The following GEMIN4 variants were observed in gnomAD, a reference collection of about 807,000 sequenced individuals.
The protein encoded by GEMIN4 is gem nuclear organelle associated protein 4.
A neutral mutation model predicts 76.8 loss-of-function variants in GEMIN4; 59 were observed. The ratio of observed to expected loss-of-function variants is 0.77; its 90% CI spans 0.62 to 0.95. The LOEUF is 0.95. Among genes scored for constraint, GEMIN4 ranks in the 40% least tolerant of loss-of-function variants. The pLI is 0.00. For missense variants in GEMIN4, 1,311 were observed against 1,318.9 expected, an observed-to-expected ratio of 0.99 and a Z score of 0.09; for synonymous variants, 562 against 559.7, an observed-to-expected ratio of 1.00 and a Z score of -0.06.
Position 745,340 on chromosome 17 carries a change from G to C in GEMIN4, c.2703C>G (p.Asn901Lys), listed in dbSNP as rs919462084. Residue 901 changes from asparagine (N) to lysine (K), a missense_variant, in exon 2 of 2, where the codon AAC (asparagine) becomes AAG (lysine). Asn to Lys is a moderately conservative substitution (Grantham distance 94, BLOSUM62 0). This residue lies in a region of GEMIN4 where 1,208 missense variants were observed against 1,166.9 expected (regional missense o/e 1.04). Coordinates refer to ENST00000319004, the MANE Select transcript of GEMIN4 (RefSeq NM_015721.3). This position sits in a 1 kb window ranked among gnomAD's most constrained non-coding sequence, Gnocchi z 4.6. ...GCAACTCCTGGGCAAAGGGCTTCAG[G>C]TTGAGCAGGGGAACAAACTGAATAT... ...LEYIQFVPLL[N>K]LKPFAQELQL... The C allele has an allele frequency of 6.2e-7, 1 of 1,612,836 alleles. No individual in the cohort carries two copies. The highest frequency in any genetic ancestry group is 8.5e-7 in the Non-Finnish European group (1 of 1,179,828).
Position 746,092 on chromosome 17 carries a change from C to A in GEMIN4, c.1951G>T (p.Val651Leu). 1 of 1,613,992 alleles carries A rather than the reference C, an allele frequency of 6.2e-7. No individual in the cohort carries two copies. Among genetic ancestry groups the A allele is most frequent in the Non-Finnish European group, 8.5e-7 (1 of 1,179,900 alleles). Reference protein sequence around the residue: ...PVAALLEPDEVLKEFVLPFLR... With the variant: ...PVAALLEPDELLKEFVLPFLR... ...AAAGGCAGGACAAATTCCTTCAGCA[C>A]CTCGTCTGGCTCAAGAAGAGCAGCC... Residue 651 changes from valine (V) to leucine (L), a missense_variant, in exon 2 of 2, where the codon GTG (valine) becomes TTG (leucine). This residue lies in a region of GEMIN4 where 1,208 missense variants were observed against 1,166.9 expected (regional missense o/e 1.04). Transcript: ENST00000319004. This position sits in a 1 kb window ranked among gnomAD's most constrained non-coding sequence, Gnocchi z 4.3.
chr17:749,857 G>C, intron 1 of GEMIN4: 1 of 994,142 alleles, frequency 1.0e-6, no homozygotes, highest in Non-Finnish European at 1.2e-6. Flanking sequence ...TCAGGGAAAC[G>C]GTCCACCCCA....
chr17:749,998 A>G, intron 1 of GEMIN4: 1 of 983,630 alleles, frequency 1.0e-6, no homozygotes, highest in Non-Finnish European at 1.2e-6. Flanking sequence ...CAGACTTACC[A>G]TGGAAAACAT....
At chr17:751,682 C>T (rs927906522) in intron 1 of GEMIN4, 1 of 164,134 alleles carries the variant, frequency 6.1e-6, no homozygotes, top group Admixed American at 6.4e-5. Context: ...TCGCCCAAAA[C>T]TCAGTGGGGA....
rs370625526 is a variant in GEMIN4 at position 746,096 on chromosome 17, G to A, written c.1947C>T (p.Asp649=). Residue 649 remains aspartate, a synonymous_variant, in exon 2 of 2, where the codon GAC becomes GAT. Transcript: ENST00000319004. The surrounding 1 kb of genome is among the most constrained non-coding windows in gnomAD (Gnocchi z 4.3). ...GIPVAALLEP[D]EVLKEFVLPF... ...GCAGGACAAATTCCTTCAGCACCTC[G>A]TCTGGCTCAAGAAGAGCAGCCACTG... The A allele has an allele frequency of 1.5e-4, 244 of 1,613,934 alleles. 1 individual carries two copies. Among genetic ancestry groups the A allele is most frequent in the African/African-American group, 5.6e-4 (42 of 75,036 alleles).
At chr17:748,623 T>G (rs1424354001) in intron 1 of GEMIN4, 2 of 213,612 alleles carry the variant, frequency 9.4e-6, no homozygotes, top group African/African-American at 2.4e-5. Flanking sequence ...CAGCTGAGCT[T>G]CTCATGACAG....
upstream of GEMIN4, chr17:752,384 C>T (rs1904784058): frequency 2.2e-6 from 2 of 896,970 alleles, no homozygotes; most frequent in Admixed American, 4.4e-5. Flanking sequence ...CCTCAGGTAC[C>T]CGGACGTCGC....
chr17:746,571 G>T lies in GEMIN4; in HGVS notation c.1472C>A (p.Ser491Tyr), dbSNP rs753499251. The T allele has an allele frequency of 6.2e-7, 1 of 1,613,732 alleles. No individual in the cohort carries two copies. Among genetic ancestry groups the T allele is most frequent in the African/African-American group, 1.3e-5 (1 of 75,070 alleles). ...HLILECYADL[S>Y]LPGKNKVLAG... The stretch of plus-strand genomic sequence containing the variant: ...AAGGACTTTATTTTTACCTGGCAGG[G>T]AGAGGTCTGCGTAACATTCCAGGAT... The change falls in exon 2 of 2, where the codon TCC becomes TAC. Residue 491 changes from serine to tyrosine, a missense_variant. Physicochemically the swap from Ser to Tyr is moderately radical, Grantham distance 144. Around this residue, in one of 2 missense-constraint regions of GEMIN4, gnomAD observed 1,208 missense variants for 1,166.9 expected, o/e 1.04. Coordinates refer to ENST00000319004, the MANE Select transcript of GEMIN4 (RefSeq NM_015721.3). This position sits in a 1 kb window ranked among gnomAD's most constrained non-coding sequence, Gnocchi z 4.3.
chr17:754,097 C>T (rs1157539794), upstream of GEMIN4: 1 of 152,216 alleles, frequency 6.6e-6, no homozygotes, highest in Non-Finnish European at 1.5e-5. Context: ...CACCTAAGGC[C>T]GGGCAACCAA....
rs1397832059 is a variant in GEMIN4 at position 747,233 on chromosome 17, G to A, written c.810C>T (p.Ala270=). The change falls in exon 2 of 2, where the codon GCC becomes GCT. Residue 270 remains alanine, a synonymous_variant. Transcript: ENST00000319004. ...VSATVYLDKL[A]TVISVWNSDT... is the part of the protein sequence containing the mutation. ...CCGAGTTCCACACAGAGATCACCGT[G>A]GCCAGTTTGTCCAGATACACGGTTG... The A allele has an allele frequency of 1.9e-6, 3 of 1,613,712 alleles. No homozygotes were observed. Among genetic ancestry groups the A allele is most frequent in the Non-Finnish European group, 2.5e-6 (3 of 1,179,900 alleles).
chr17:748,277 G>C, intron 1 of GEMIN4: 2 of 512,876 alleles, frequency 3.9e-6, no homozygotes, highest in Non-Finnish European at 6.9e-6. Flanking sequence ...CACATACAGG[G>C]AATGGAGGAG....
chr17:746,029 T>G lies in GEMIN4; in HGVS notation c.2014A>C (p.Arg672=), dbSNP rs1007005570. 4 of 1,613,796 alleles carry G rather than the reference T, an allele frequency of 2.5e-6. No homozygotes were observed. The highest frequency in any genetic ancestry group is 3.4e-6 in the Non-Finnish European group (4 of 1,179,846). Residue 672 remains arginine (R), a synonymous_variant, in exon 2 of 2, where the codon AGG becomes CGG. Coordinates refer to ENST00000319004, the MANE Select transcript of GEMIN4 (RefSeq NM_015721.3). This position sits in a 1 kb window ranked among gnomAD's most constrained non-coding sequence, Gnocchi z 4.3. The part of the protein sequence containing the change: ...LDVEEVDLSL[R]IFIQTLEANA... ...GCCTCTAGAGTCTGGATGAAGATCC[T>G]CAGACTGAGGTCTACCTCTTCAACA...
In GEMIN4 at chr17:747,352, G is replaced by C. The variant is rs1904311831; in HGVS notation, c.691C>G (p.Leu231Val). 6.2e-7 allele frequency: 1 copy of C among 1,613,652 alleles called. No homozygotes were observed. Among genetic ancestry groups the C allele is most frequent in the African/African-American group, 1.3e-5 (1 of 74,930 alleles). ...GCACAGCACTTCCTCCCCGGGCCCAGGATCCGACTCTGGATCTGTGTCAGC... is the reference window on the plus strand; with the variant it reads ...GCACAGCACTTCCTCCCCGGGCCCACGATCCGACTCTGGATCTGTGTCAGC... ...RGLTQIQSRI[L>V]GPGRKCCALA... Residue 231 changes from leucine (L) to valine (V), a missense_variant, in exon 2 of 2, where the codon CTG becomes GTG. By Grantham distance (32) the Leu-to-Val change is conservative. Coordinates refer to ENST00000319004, the MANE Select transcript of GEMIN4 (RefSeq NM_015721.3).
upstream of GEMIN4, chr17:752,391 T>A: frequency 1.2e-6 from 1 of 839,240 alleles, no homozygotes; most frequent in Non-Finnish European, 1.6e-6. Flanking sequence ...TACCCGGACG[T>A]CGCTCACTAG....
At position 746,458 on chromosome 17, in the gene GEMIN4, T is replaced by A. The variant is rs35172207; in HGVS notation, c.1585A>T (p.Thr529Ser). The change falls in exon 2 of 2, where the codon ACT (threonine) becomes TCT (serine). Residue 529 changes from threonine to serine, a missense_variant. Thr to Ser is a moderately conservative substitution (Grantham distance 58, BLOSUM62 1). Coordinates refer to ENST00000319004, the MANE Select transcript of GEMIN4 (RefSeq NM_015721.3). This position sits in a 1 kb window ranked among gnomAD's most constrained non-coding sequence, Gnocchi z 4.3. ...VEGFQEDLNT[T>S]FNQLTQSASE... ...GCACTCTGAGTGAGCTGGTTAAAAG[T>A]TGTATTGAGGTCTTCCTGAAAACCC... 2.7e-3 allele frequency: 4,386 copies of A among 1,613,980 alleles called. 15 individuals are homozygous for A. Among genetic ancestry groups the A allele is most frequent in the Middle Eastern group, 6.9e-3 (42 of 6,062 alleles).
In GEMIN4 at chr17:745,697, G is replaced by A; in HGVS notation, c.2346C>T (p.Phe782=). The change falls in exon 2 of 2, where the codon TTC becomes TTT. Residue 782 remains phenylalanine, a synonymous_variant. Transcript: ENST00000319004. This position sits in a 1 kb window ranked among gnomAD's most constrained non-coding sequence, Gnocchi z 4.6. The part of the protein sequence containing the change: ...LRLKSFFEGH[F]KCEVPATLFE... ...AAAGTGTGGCTGGCACTTCACACTT[G>A]AAGTGCCCCTCGAAGAAGCTCTTCA... is the stretch of plus-strand genomic sequence containing the variant. 2 of 1,599,256 alleles carry A rather than the reference G, an allele frequency of 1.3e-6. No homozygotes were observed. Among genetic ancestry groups the A allele is most frequent in the Admixed American group, 1.7e-5 (1 of 57,228 alleles).
intron 1 of GEMIN4, 109 bp downstream of exon 1, chr17:752,024 G>C (rs1904739455): frequency 1.3e-6 from 1 of 793,708 alleles, no homozygotes; most frequent in African/African-American, 1.8e-5. Context: ...GGGACGTTTC[G>C]GTCCGGGCCC....
Sources: allele counts gnomAD v4.1 joint callset, GRCh38; gene constraint gnomAD v4.1.1; regional missense constraint gnomAD v4.1.1; non-coding constraint Gnocchi (gnomAD v3.1); transcripts MANE v1.5; gene names NCBI Gene and HGNC (gene_info 2026-07-23, HGNC 2026-07-21).